The following ALK variants were observed in gnomAD, a reference collection of about 807,000 sequenced individuals.
The protein encoded by ALK is ALK tyrosine kinase receptor.
Under a neutral mutation model 163.1 loss-of-function variants are expected in ALK, and 74 were observed. That is an observed-to-expected ratio of 0.45 (90% CI 0.38 to 0.55). ALK has a LOEUF of 0.55. Ranked by LOEUF, ALK falls within the 20% of genes least tolerant of loss-of-function variation. The pLI, the probability that ALK is intolerant of heterozygous loss-of-function variation, is 0.00. For synonymous variants in ALK, 960 were observed against 843.2 expected, an observed-to-expected ratio of 1.14 and a Z score of -2.40; for missense variants, 2,063 against 2,105.3, an observed-to-expected ratio of 0.98 and a Z score of 0.39.
At chr2:29,494,153 T>C (rs1206019085) in intron 4 of ALK, among the ~76,000 whole-genome samples, 3 of 152,020 alleles carry the variant, frequency 2.0e-5, no homozygotes, top group African/African-American at 7.3e-5. Context: ...TTAGATGAGA[T>C]TAGGTATTTG....
rs1430295548 is a variant in ALK at position 29,750,800 on chromosome 2, T to C, written c.668-33103A>G. ...ATGACAGAGGCCGGGCGTGGTGGCT[T>C]GTGGCTCATGCCTGTAATCCCAGCA... On this transcript the variant is annotated intron_variant, in intron 1 of 28. Coordinates refer to ENST00000389048, the MANE Select transcript of ALK (RefSeq NM_004304.5). Among the ~76,000 whole-genome samples the C allele has an allele frequency of 2.6e-5, 4 of 151,190 alleles. No individual in the cohort carries two copies. The East Asian group carries it at 7.9e-4, about 30-fold the overall frequency.
chr2:29,229,083 G>T lies in ALK; in HGVS notation c.2633-17C>A. The T allele has an allele frequency of 1.9e-6, 3 of 1,612,908 alleles. No homozygotes were observed. The East Asian group carries it at 6.7e-5, about 36-fold the overall frequency. On this transcript the variant is annotated splice_polypyrimidine_tract_variant and intron_variant, in intron 15 of 28. Coordinates refer to ENST00000389048, the MANE Select transcript of ALK (RefSeq NM_004304.5). ...CTCCACCACCTGCGGGAAGAGATAG[G>T]GAACCTGCGTGAGGATGCTGGCAAG...
chr2:29,789,336 G>C (rs368862952), intron 1 of ALK, among the ~76,000 whole-genome samples: 1 of 152,156 alleles, frequency 6.6e-6, no homozygotes, highest in Admixed American at 6.5e-5. Flanking sequence ...GTCTAGAAGA[G>C]TAATGACCAC....
intron 12 of ALK, among the ~76,000 whole-genome samples, chr2:29,242,144 G>A (rs1216439439): frequency 6.6e-6 from 1 of 152,214 alleles, no homozygotes; most frequent in South Asian, 2.1e-4. Flanking sequence ...CTGGGCAGGG[G>A]ACGATGTGGC....
chr2:29,453,668 AG>A lies in ALK; in HGVS notation c.1155-69810del, dbSNP rs540550143. Among the ~76,000 whole-genome samples, 9 of 152,300 alleles carry A rather than the reference AG, an allele frequency of 5.9e-5. No individual in the cohort carries two copies. The South Asian group carries it at 1.9e-3, about 32-fold the overall frequency. On this transcript the variant is annotated intron_variant, in intron 4 of 28. Transcript: ENST00000389048. ...TTATTTGTGAATGACAGGAAGACTGAGAATGAAGAAGGAAAGATGGAATAGG... is the reference window on the plus strand; with the variant it reads ...TTATTTGTGAATGACAGGAAGACTGAAATGAAGAAGGAAAGATGGAATAGG...
In ALK at chr2:29,629,141, C is replaced by T. The variant is rs148963967; in HGVS notation, c.952+65709G>A. Among the ~76,000 whole-genome samples the T allele has an allele frequency of 6.6e-5, 10 of 152,272 alleles. No individual in the cohort carries two copies. In the South Asian group the frequency reaches 8.3e-4, roughly 13 times the overall value. ...TGGGGTCATATCTAGACCTGAACAC[C>T]GTTGGAGACTCGCTTTCCTCACACA... On this transcript the variant is annotated intron_variant, in intron 3 of 28. Transcript: ENST00000389048.
In ALK at chr2:29,531,929, A is replaced by G. The variant is rs1169743004; in HGVS notation, c.1140T>C (p.Thr380=). Residue 380 remains threonine, a synonymous_variant, in exon 4 of 29, where the codon ACT becomes ACC. Transcript: ENST00000389048. ...GAAGTACTTACCCATGCTTCCCTGGAGTGGGCATCAGGAGGATCTCTCTTG... is the reference window on the plus strand; with the variant it reads ...GAAGTACTTACCCATGCTTCCCTGGGGTGGGCATCAGGAGGATCTCTCTTG... ...EAAREILLMP[T]PGKHGWTVLQ... is the part of the protein sequence containing the mutation. 1 of 1,614,112 alleles carries G rather than the reference A, an allele frequency of 6.2e-7. No individual in the cohort carries two copies. Among genetic ancestry groups the G allele is most frequent in the Non-Finnish European group, 8.5e-7 (1 of 1,180,010 alleles).
At chr2:29,897,207 C>T (rs967173229) in intron 1 of ALK, among the ~76,000 whole-genome samples, 16 of 152,068 alleles carry the variant, frequency 1.1e-4, no homozygotes, top group African/African-American at 3.9e-4. Context: ...GTAATCCCAG[C>T]TACTCGGAAG....
chr2:29,888,261 TA>T (rs70962244), intron 1 of ALK, among the ~76,000 whole-genome samples: 2 of 145,770 alleles, frequency 1.4e-5, no homozygotes, highest in African/African-American at 2.6e-5. Context: ...TTTTTTTTTT[TA>T]AAAAAAGGGA....
intron 12 of ALK, among the ~76,000 whole-genome samples, chr2:29,247,610 G>A (rs1490199223): frequency 6.6e-6 from 1 of 152,244 alleles, no homozygotes; most frequent in African/African-American, 2.4e-5. Context: ...GAGGGTGGGA[G>A]GTGGGCCCAG....
intron 1 of ALK, among the ~76,000 whole-genome samples, chr2:29,836,570 C>T (rs77061550): frequency 0.021 from 3,166 of 152,288 alleles, 111 homozygotes; most frequent in African/African-American, 0.073. Context: ...GAGAGTTTGT[C>T]CTGCTAAGTA....
At chr2:29,730,102 G>A (rs773650172) in intron 1 of ALK, among the ~76,000 whole-genome samples, 7 of 152,208 alleles carry the variant, frequency 4.6e-5, no homozygotes, top group Non-Finnish European at 8.8e-5. Context: ...TGGCAACTCG[G>A]GATCCCCTCG....
intron 2 of ALK, among the ~76,000 whole-genome samples, chr2:29,707,825 G>C (rs756392430): frequency 3.9e-5 from 6 of 152,122 alleles, no homozygotes; most frequent in Admixed American, 2.6e-4. Flanking sequence ...CAGATCTGTC[G>C]TCATGTCCTC....
At chr2:29,334,837 G>A (rs565759204) in intron 5 of ALK, among the ~76,000 whole-genome samples, 8 of 152,186 alleles carry the variant, frequency 5.3e-5, no homozygotes, top group Non-Finnish European at 1.2e-4. Flanking sequence ...TCTACTGCCA[G>A]CCCAAGCCCC....
At chr2:29,562,027 G>A (rs1293534906) in intron 3 of ALK, among the ~76,000 whole-genome samples, 1 of 152,162 alleles carries the variant, frequency 6.6e-6, no homozygotes, top group East Asian at 1.9e-4. Flanking sequence ...GAGGAGGATG[G>A]ACAAGGATGA....
At chr2:29,537,646 G>A (rs1395371635) in intron 3 of ALK, among the ~76,000 whole-genome samples, 2 of 152,244 alleles carry the variant, frequency 1.3e-5, no homozygotes, top group Admixed American at 6.5e-5. Context: ...GCACTTCCTA[G>A]TGGAGCTGTG....
chr2:29,717,903 G>A (rs1322374800), intron 1 of ALK, among the ~76,000 whole-genome samples: 1 of 152,190 alleles, frequency 6.6e-6, no homozygotes, highest in African/African-American at 2.4e-5. Flanking sequence ...ACAGATCTAA[G>A]AGGTCTGAAT....
At chr2:29,214,209 C>G (rs1433328988) in intron 23 of ALK, 128 bp from the exon 24 acceptor site, 6 of 779,000 alleles carry the variant, frequency 7.7e-6, no homozygotes, top group Non-Finnish European at 1.3e-5. Context: ...GGGGCCTCGG[C>G]CCTGGCTGCA....
intron 11 of ALK, among the ~76,000 whole-genome samples, chr2:29,254,108 C>T (rs1320916619): frequency 6.6e-6 from 1 of 152,188 alleles, no homozygotes; most frequent in Non-Finnish European, 1.5e-5. Context: ...CATTCTTCTC[C>T]TTCCTGCCAT....
Sources: gnomAD v4.1 joint callset for allele counts (sites outside exome capture counted in the v4.1 genomes callset) on GRCh38, gnomAD v4.1.1 for gene constraint, MANE v1.5 for transcripts, NCBI Gene and HGNC (gene_info 2026-07-23, HGNC 2026-07-21) for gene names.